The following SEC23B variants were observed in gnomAD, a reference collection of about 807,000 sequenced individuals.
SEC23B encodes SEC23 homolog B, COPII component, also known as protein transport protein Sec23B.
In SEC23B, 77 loss-of-function variants were observed where a neutral mutation model predicts 104.3. The ratio of observed to expected loss-of-function variants is 0.74; its 90% CI spans 0.61 to 0.89. SEC23B has a LOEUF of 0.89. Among genes scored for constraint, SEC23B ranks in the 40% least tolerant of loss-of-function variants. The pLI, the probability that SEC23B is intolerant of heterozygous loss-of-function variation, is 0.00. For missense variants in SEC23B, 885 were observed against 949.4 expected (o/e 0.93, Z 0.89); for synonymous variants, 338 against 332.5 (o/e 1.02, Z -0.18).
At chr20:18,554,132 T>C in intron 17 of SEC23B, 103 bp from the exon 18 acceptor site, 1 of 1,320,694 alleles carries the variant, frequency 7.6e-7, no homozygotes, top group Non-Finnish European at 1.1e-6. Context: ...ATTAGACTTC[T>C]TCACTAGAAA....
At chr20:18,537,978 C>T (rs2060251908) in intron 12 of SEC23B, among the ~76,000 whole-genome samples, 1 of 151,778 alleles carries the variant, frequency 6.6e-6, no homozygotes, top group African/African-American at 2.4e-5. Flanking sequence ...CTTGTTCTAT[C>T]ACCCAGGCAC....
chr20:18,524,845 A>G lies in SEC23B; in HGVS notation c.604-90A>G. On this transcript the variant is annotated intron_variant, in intron 5 of 19. Transcript: ENST00000650089. ...GTAGGTGGGACTAGAGGCACATGCC[A>G]CCACACCCAGCTGAGGACATTTCTT... 7 of 1,437,326 alleles carry G rather than the reference A, an allele frequency of 4.9e-6. No individual in the cohort carries two copies. In the South Asian group the frequency reaches 8.2e-5, roughly 17 times the overall value. The allele number at this position is 1,437,326 out of a possible 1,614,324, so 89.0% of individuals were successfully genotyped here.
intron 1 of SEC23B, among the ~76,000 whole-genome samples, chr20:18,508,473 C>G (rs1414871792): frequency 6.6e-6 from 1 of 152,056 alleles, no homozygotes; most frequent in Non-Finnish European, 1.5e-5. Flanking sequence ...AGTTATTTAC[C>G]TCTTCAGATA....
Position 18,554,407 on chromosome 20 carries a change from C to T in SEC23B, c.2148+17C>T. On this transcript the variant is annotated intron_variant, in intron 18 of 19. Transcript: ENST00000650089. ...GGCAGTCAGGTGAGTGAGCTGAGTTCTAACTCCAGTGGTTTGTTCGTTTTA... is the reference window on the plus strand; with the variant it reads ...GGCAGTCAGGTGAGTGAGCTGAGTTTTAACTCCAGTGGTTTGTTCGTTTTA... The T allele has an allele frequency of 1.2e-6, 2 of 1,614,116 alleles. No individual in the cohort carries two copies. The highest frequency in any genetic ancestry group is 1.7e-6 in the Non-Finnish European group (2 of 1,179,944).
intron 4 of SEC23B, among the ~76,000 whole-genome samples, chr20:18,522,151 G>C (rs536529853): frequency 6.6e-6 from 1 of 152,168 alleles, no homozygotes; most frequent in Admixed American, 6.5e-5. Context: ...GTAGAGACAC[G>C]GAGTAGGGGG....
chr20:18,526,398 G>GCTGCAAAT lies in SEC23B; in HGVS notation c.860_861insCTGCAAAT (p.Arg287SerfsTer4). 6.2e-7 allele frequency: 1 copy of GCTGCAAAT among 1,614,218 alleles called. No individual in the cohort carries two copies. Among genetic ancestry groups the GCTGCAAAT allele is most frequent in the Non-Finnish European group, 8.5e-7 (1 of 1,180,028 alleles). ...GGCACTTTTCCAAACACAGGAGCCAGGATCATGCTGTTTACTGGAGGTCCC... is the reference window on the plus strand; with the variant it reads ...GGCACTTTTCCAAACACAGGAGCCAGCTGCAAATGATCATGCTGTTTACTGGAGGTCCC... On this transcript the variant is annotated frameshift_variant, in exon 8 of 20. Transcript: ENST00000650089. LOFTEE classifies it high-confidence loss of function.
At chr20:18,560,560 G>C in intron 19 of SEC23B, 91 bp from the exon 20 acceptor site, 1 of 978,822 alleles carries the variant, frequency 1.0e-6, no homozygotes, top group Non-Finnish European at 1.6e-6. Flanking sequence ...GACAACACCT[G>C]TGAATGTTCT....
At chr20:18,541,021 T>G (rs2060282977) in intron 12 of SEC23B, among the ~76,000 whole-genome samples, 1 of 152,258 alleles carries the variant, frequency 6.6e-6, no homozygotes. Flanking sequence ...AGCCACCACC[T>G]TCATCAGTGA....
intron 16 of SEC23B, among the ~76,000 whole-genome samples, chr20:18,549,044 T>A (rs2060361115): frequency 2.0e-5 from 3 of 152,110 alleles, no homozygotes; most frequent in African/African-American, 7.2e-5. Flanking sequence ...ATCCAACAAT[T>A]CCATGTCTTG....
intron 9 of SEC23B, among the ~76,000 whole-genome samples, chr20:18,528,929 G>A (rs1221200355): frequency 2.0e-5 from 3 of 152,218 alleles, no homozygotes; most frequent in Admixed American, 1.3e-4. Context: ...AAGGCAAGGT[G>A]ATTCCAGGCT....
rs1430932959 is a variant in SEC23B, at chr20:18,518,607, T to G, written c.366+2871T>G. Among the ~76,000 whole-genome samples, 10 of 113,366 alleles carry G rather than the reference T, an allele frequency of 8.8e-5. No individual in the cohort carries two copies. The East Asian group carries it at 2.6e-3, about 30-fold the overall frequency. The allele number at this position is 113,366 out of a possible 152,430, so 74.4% of individuals were successfully genotyped here. ...GTTTTTTTTTTTTTTTTTTTTTTTG[T>G]CTAAGAACCATCTGCCTTGAGTGGA... On this transcript the variant is annotated intron_variant, in intron 4 of 19. Transcript: ENST00000650089.
intron 4 of SEC23B, among the ~76,000 whole-genome samples, chr20:18,523,076 A>AG (rs906432490): frequency 2.7e-5 from 2 of 75,162 alleles, no homozygotes; most frequent in Non-Finnish European, 8.2e-5. Context: ...CAAAAAAAAA[A>AG]GAAAAAAAAA....
chr20:18,559,092 CGGG>C (rs2060468868), intron 19 of SEC23B, among the ~76,000 whole-genome samples: 1 of 80,374 alleles, frequency 1.2e-5, no homozygotes, highest in African/African-American at 4.2e-5. Context: ...GGGGGGGTGT[CGGG>C]GGCACTGGTG....
chr20:18,552,788 T>G (rs1282716164), intron 17 of SEC23B, among the ~76,000 whole-genome samples: 1 of 152,136 alleles, frequency 6.6e-6, no homozygotes, highest in African/African-American at 2.4e-5. Flanking sequence ...CACTCCAGCC[T>G]GGACGACAGA....
chr20:18,533,000 A>G (rs1271700639), intron 11 of SEC23B, among the ~76,000 whole-genome samples: 1 of 152,276 alleles, frequency 6.6e-6, no homozygotes, highest in Non-Finnish European at 1.5e-5. Context: ...TGAAGGAGTT[A>G]GAGCCCAGGT....
intron 12 of SEC23B, among the ~76,000 whole-genome samples, chr20:18,538,406 C>T (rs995308923): frequency 2.6e-5 from 4 of 151,954 alleles, no homozygotes; most frequent in South Asian, 2.1e-4. Flanking sequence ...CCCGCCACCA[C>T]GCCCAGCTAA....
intron 1 of SEC23B, 77 bp downstream of exon 1, chr20:18,508,049 G>C (rs565474177): frequency 2.6e-5 from 4 of 152,824 alleles, no homozygotes; most frequent in African/African-American, 9.6e-5. Flanking sequence ...TTCTGCCGGG[G>C]GCGAGGTGAG....
chr20:18,523,303 TC>T (rs1379552836), intron 4 of SEC23B, among the ~76,000 whole-genome samples: 1 of 152,012 alleles, frequency 6.6e-6, no homozygotes, highest in Middle Eastern at 3.4e-3. Flanking sequence ...GCTGGAGCTC[TC>T]CCCTGTATCT....
rs748103135 is a variant in SEC23B at position 18,542,383 on chromosome 20, G to A, written c.1492G>A (p.Val498Met). The A allele has an allele frequency of 7.4e-6, 12 of 1,614,056 alleles. No individual in the cohort carries two copies. Among genetic ancestry groups the A allele is most frequent in the South Asian group, 2.2e-5 (2 of 91,088 alleles). The change falls in exon 13 of 20, where the codon GTG (valine) becomes ATG (methionine). Residue 498 changes from valine (V) to methionine (M), a missense_variant. By Grantham distance (21) the Val-to-Met change is conservative (BLOSUM62 1). Coordinates refer to ENST00000650089, the MANE Select transcript of SEC23B (RefSeq NM_006363.6). ...CTCCAGCACCCAGAGACGCATCCGC[G>A]TGACCACCATCGCCCGAAAGTAAGC... ...QHSSTQRRIRVTTIARNWADV... is the reference protein window; with the variant it reads ...QHSSTQRRIRMTTIARNWADV...
Sources: gnomAD v4.1 joint callset for allele counts (sites outside exome capture counted in the v4.1 genomes callset) on GRCh38, gnomAD v4.1.1 for gene constraint, MANE v1.5 for transcripts, NCBI Gene and HGNC (gene_info 2026-07-23, HGNC 2026-07-21) for gene names.